Variants in CHD8 observed in about 807,000 individuals in gnomAD.
CHD8 encodes ATP-dependent chromatin remodeler CHD8.
CHD8 carries 31 observed loss-of-function variants against 279.2 expected under a neutral mutation model. The ratio of observed to expected loss-of-function variants is 0.11; its 90% CI spans 0.08 to 0.15. The LOEUF (loss-of-function observed/expected upper bound fraction) is 0.15. Ranked by LOEUF, CHD8 falls within the 10% of genes least tolerant of loss-of-function variation. CHD8 has a pLI of 1.00. For missense variants in CHD8, 2,146 were observed against 3,230.5 expected (o/e 0.66, Z 8.14); for synonymous variants, 1,081 against 1,139.6 (o/e 0.95, Z 1.04).
At chr14:21,407,162 G>T in intron 13 of CHD8, 130 bp from the exon 14 acceptor site, 1 of 661,324 alleles carries the variant, frequency 1.5e-6, no homozygotes, top group Non-Finnish European at 2.5e-6. Context: ...CACCTCCACC[G>T]CTGTTTATCT....
chr14:21,429,380 G>A (rs757249844), intron 2 of CHD8, 45 bp from the exon 3 acceptor site: 16 of 1,586,210 alleles, frequency 1.0e-5, no homozygotes, highest in Admixed American at 1.7e-5. Context: ...ATTAAAGAAT[G>A]GTATACTCTG....
chr14:21,415,151 C>A, intron 7 of CHD8, 158 bp from the exon 8 acceptor site: 1 of 599,428 alleles, frequency 1.7e-6, no homozygotes, highest in Non-Finnish European at 2.9e-6. Flanking sequence ...ATAATAGAGG[C>A]CTGATAGCTG....
At chr14:21,404,852 G>T in intron 16 of CHD8, 1 of 197,014 alleles carries the variant, frequency 5.1e-6, no homozygotes, top group East Asian at 1.3e-4. Context: ...TTTATTTGGA[G>T]ACAGGGTCTC....
chr14:21,426,948 G>A (rs1889345909), intron 4 of CHD8: 1 of 152,210 alleles, frequency 6.6e-6, no homozygotes, highest in Non-Finnish European at 1.5e-5. Flanking sequence ...TGGGTGGTAG[G>A]AGGTAGTGAG....
At chr14:21,453,616 C>A (rs938225585) in intron 1 of CHD8, among the ~76,000 whole-genome samples, 1 of 151,832 alleles carries the variant, frequency 6.6e-6, no homozygotes, top group African/African-American at 2.4e-5. Flanking sequence ...AAATCCAACT[C>A]CAGAAGTAGA....
At chr14:21,443,248 G>A (rs374579088) in intron 1 of CHD8, among the ~76,000 whole-genome samples, 8 of 151,546 alleles carry the variant, frequency 5.3e-5, no homozygotes, top group East Asian at 2.0e-4. Flanking sequence ...AAAATTAGCC[G>A]GGTGTGGTGG....
intron 26 of CHD8, chr14:21,399,396 A>G: frequency 3.7e-6 from 2 of 538,204 alleles, no homozygotes; most frequent in East Asian, 6.5e-5. Context: ...CTACCTTGAG[A>G]TTTACCTATC....
Position 21,405,472 on chromosome 14 carries a change from C to T in CHD8, c.3052-8G>A. ...GGCCTGTAGCTTTTGAACCTGTGGT[C>T]CATTACAGAGAGAAAAATAAATCAA... is the stretch of plus-strand genomic sequence containing the variant. On this transcript the variant is annotated splice_region_variant and splice_polypyrimidine_tract_variant and intron_variant, in intron 15 of 37. Transcript: ENST00000646647. The surrounding 1 kb of genome is among the most constrained non-coding windows in gnomAD (Gnocchi z 4.2). 1 of 1,599,718 alleles carries T rather than the reference C, an allele frequency of 6.3e-7. No individual in the cohort carries two copies. The highest frequency in any genetic ancestry group is 8.5e-7 in the Non-Finnish European group (1 of 1,172,622).
At chr14:21,387,550 CT>C (rs1182419097) in intron 37 of CHD8, among the ~76,000 whole-genome samples, 9 of 150,660 alleles carry the variant, frequency 6.0e-5, no homozygotes, top group African/African-American at 2.0e-4. Flanking sequence ...AGAAAAATCG[CT>C]TGAACCCAGG....
At chr14:21,392,189 A>G (rs914010402) in intron 34 of CHD8, 1 of 758,310 alleles carries the variant, frequency 1.3e-6, no homozygotes, top group South Asian at 1.4e-5. Flanking sequence ...TTTCAACAAC[A>G]CCCAAGTTAG....
chr14:21,445,948 T>A (rs975706811), intron 1 of CHD8, among the ~76,000 whole-genome samples: 1 of 150,230 alleles, frequency 6.7e-6, no homozygotes, highest in East Asian at 2.0e-4. Flanking sequence ...TGCAGTGAGC[T>A]GAGATCGTGC....
chr14:21,398,285 G>C (rs1480072924), intron 26 of CHD8: 2 of 155,498 alleles, frequency 1.3e-5, no homozygotes, highest in Non-Finnish European at 2.8e-5. Context: ...TGTCGCCCAG[G>C]CTGGAGTGCA....
chr14:21,432,160 A>G (rs1889591649), intron 1 of CHD8, among the ~76,000 whole-genome samples: 1 of 152,222 alleles, frequency 6.6e-6, no homozygotes, highest in South Asian at 2.1e-4. Context: ...TTCTTTGGTA[A>G]AGATAAAATT....
rs1889579805 is a variant in CHD8 at position 21,431,898 on chromosome 14, G to A, written c.-215-40C>T. On this transcript the variant is annotated intron_variant, in intron 1 of 37. Coordinates refer to ENST00000646647, the MANE Select transcript of CHD8 (RefSeq NM_001170629.2). ...CAAATACAAATGAAAAATAGGCAAA[G>A]TTGGCGATCTCAGAGAAAATTTTCC... 8 of 1,418,832 alleles carry A rather than the reference G, an allele frequency of 5.6e-6. No homozygotes were observed. In the East Asian group the frequency reaches 1.8e-4, roughly 32 times the overall value. 87.9% of individuals were successfully genotyped at this position (1,418,832 alleles called of 1,614,324 possible).
intron 5 of CHD8, among the ~76,000 whole-genome samples, chr14:21,417,214 G>A (rs138512698): frequency 5.3e-5 from 8 of 152,176 alleles, no homozygotes; most frequent in African/African-American, 1.9e-4. Flanking sequence ...ATATAGGCAC[G>A]ACTTCCATGA....
At chr14:21,435,690 G>C (rs1435296940) in intron 1 of CHD8, among the ~76,000 whole-genome samples, 1 of 152,232 alleles carries the variant, frequency 6.6e-6, no homozygotes, top group African/African-American at 2.4e-5. Flanking sequence ...GGAGATAAAT[G>C]TGCAGTTCTT....
chr14:21,431,045 A>G lies in CHD8; in HGVS notation c.599T>C (p.Val200Ala), dbSNP rs542725817. The G allele has an allele frequency of 6.3e-7, 1 of 1,599,374 alleles. No individual in the cohort carries two copies. The highest frequency in any genetic ancestry group is 2.2e-5 in the East Asian group (1 of 44,876). ...LVAGTANGGKVTFTKVLTGTP... is the reference protein window; with the variant it reads ...LVAGTANGGKATFTKVLTGTP... ...GCCGGTTAGCACTTTGGTAAAAGTG[A>G]CTTTTCCACCATTGGCTGTGCCTGC... The change falls in exon 2 of 38, where the codon GTC becomes GCC. Residue 200 changes from valine to alanine, a missense_variant. By Grantham distance (64) the Val-to-Ala change is moderately conservative (BLOSUM62 0). Around this residue, in one of 26 missense-constraint regions of CHD8, gnomAD observed 302 missense variants for 325.5 expected, o/e 0.93. Coordinates refer to ENST00000646647, the MANE Select transcript of CHD8 (RefSeq NM_001170629.2).
rs1371914949 is a variant in CHD8 at position 21,400,979 on chromosome 14, C to T, written c.4266G>A (p.Leu1422=). The change falls in exon 22 of 38, where the codon TTG becomes TTA. Residue 1422 remains leucine (L), a synonymous_variant. Transcript: ENST00000646647. This position sits in a 1 kb window ranked among gnomAD's most constrained non-coding sequence, Gnocchi z 4.2. ...KDDDLVEFSD[L]ESEDDERPRS... ...GTGGCCGCTCATCATCCTCACTTTCCAAATCAGAGAATTCCACCAGGTCAT... is the reference window on the plus strand; with the variant it reads ...GTGGCCGCTCATCATCCTCACTTTCTAAATCAGAGAATTCCACCAGGTCAT... 3.1e-6 allele frequency: 5 copies of T among 1,614,048 alleles called. No homozygotes were observed. Among genetic ancestry groups the T allele is most frequent in the Non-Finnish European group, 3.4e-6 (4 of 1,179,892 alleles).
intron 2 of CHD8, chr14:21,430,444 TC>T: frequency 5.4e-6 from 1 of 186,872 alleles, no homozygotes; most frequent in East Asian, 1.3e-4. Context: ...GTTTCTTTGT[TC>T]CCATAGCATC....
Sources: allele counts gnomAD v4.1 joint callset (sites outside exome capture counted in the v4.1 genomes callset), GRCh38; gene constraint gnomAD v4.1.1; regional missense constraint gnomAD v4.1.1; non-coding constraint Gnocchi (gnomAD v3.1); transcripts MANE v1.5; gene names NCBI Gene and HGNC (gene_info 2026-07-23, HGNC 2026-07-21).